The following PRKDC variants were observed in gnomAD, a reference collection of about 807,000 sequenced individuals.
PRKDC encodes DNA-dependent protein kinase catalytic subunit.
A neutral mutation model predicts 486.9 loss-of-function variants in PRKDC; 82 were observed. The ratio of observed to expected loss-of-function variants is 0.17; its 90% CI spans 0.14 to 0.20. PRKDC has a LOEUF of 0.20. Ranked by LOEUF, PRKDC falls within the 10% of genes least tolerant of loss-of-function variation. PRKDC has a pLI of 1.00. For synonymous variants in PRKDC, 1,895 were observed against 1,837.0 expected (o/e 1.03, Z -0.81); for missense variants, 4,504 against 5,038.2 (o/e 0.89, Z 3.21).
rs765573218 is a variant in PRKDC, at chr8:47,886,131, C to G, written c.4589G>C (p.Ser1530Thr). ...CAGCACCGCTGGGTTCAGGAGAAGA[C>G]TCACAAGGCGCTCACACTGGGAAAA... ...AFGGLCERLV[S>T]LLLNPAVLST... is the part of the protein sequence containing the mutation. The change falls in exon 36 of 86, where the codon AGT (serine) becomes ACT (threonine). Residue 1530 changes from serine to threonine, a missense_variant. By Grantham distance (58) the Ser-to-Thr change is moderately conservative. This residue lies in a region of PRKDC where 1,969 missense variants were observed against 2,068.9 expected (regional missense o/e 0.95). Coordinates refer to ENST00000314191, the MANE Select transcript of PRKDC (RefSeq NM_006904.7). The G allele has an allele frequency of 6.2e-7, 1 of 1,604,124 alleles. No individual in the cohort carries two copies. Among genetic ancestry groups the G allele is most frequent in the African/African-American group, 1.3e-5 (1 of 74,444 alleles).
At chr8:47,907,332 G>A (rs1477212774) in intron 25 of PRKDC, among the ~76,000 whole-genome samples, 3 of 147,714 alleles carry the variant, frequency 2.0e-5, no homozygotes, top group African/African-American at 4.9e-5. Flanking sequence ...GAGCCACCGC[G>A]CCTGGCCAAG....
chr8:47,834,481 G>A, intron 58 of PRKDC, 85 bp from the exon 59 acceptor site: 1 of 1,434,274 alleles, frequency 7.0e-7, no homozygotes, highest in Non-Finnish European at 9.6e-7. Flanking sequence ...GACACACCTG[G>A]TGGCACCCTA....
In PRKDC at chr8:47,888,539, C is replaced by T; in HGVS notation, c.4392G>A (p.Leu1464=). ...TTACCTGAGACGGTAATATATTATG[C>T]AGAAGCCCAGCTCTGTGAAGCTGTT... ...ACKQLHRAGL[L]HNILPSQSTD... Residue 1464 remains leucine, a synonymous_variant, in exon 34 of 86, where the codon CTG becomes CTA. Coordinates refer to ENST00000314191, the MANE Select transcript of PRKDC (RefSeq NM_006904.7). The T allele has an allele frequency of 6.4e-7, 1 of 1,570,582 alleles. No homozygotes were observed. Among genetic ancestry groups the T allele is most frequent in the Non-Finnish European group, 8.6e-7 (1 of 1,157,082 alleles).
chr8:47,922,399 G>A (rs1477392883), intron 21 of PRKDC, among the ~76,000 whole-genome samples: 1 of 151,996 alleles, frequency 6.6e-6, no homozygotes, highest in East Asian at 1.9e-4. Context: ...TTGAACCCGG[G>A]AGGCGGAGGT....
chr8:47,923,975 A>G (rs1294286665), intron 21 of PRKDC, among the ~76,000 whole-genome samples: 1 of 152,198 alleles, frequency 6.6e-6, no homozygotes, highest in Non-Finnish European at 1.5e-5. Flanking sequence ...CTTATTACAC[A>G]CCAAACAATC....
intron 85 of PRKDC, among the ~76,000 whole-genome samples, chr8:47,774,910 G>A (rs1244169227): frequency 6.6e-6 from 1 of 152,080 alleles, no homozygotes; most frequent in African/African-American, 2.4e-5. Flanking sequence ...TTACAGGTGT[G>A]AGCCACTGCA....
At chr8:47,957,500 G>A (rs2090724640) in intron 1 of PRKDC, 69 bp from the exon 2 acceptor site, 1 of 1,254,208 alleles carries the variant, frequency 8.0e-7, no homozygotes, top group Non-Finnish European at 1.1e-6. Context: ...TCCTAAAGGG[G>A]TTGCAATGAT....
intron 18 of PRKDC, 135 bp downstream of exon 18, chr8:47,929,718 A>G: frequency 9.4e-7 from 1 of 1,065,624 alleles, no homozygotes. Context: ...TCACATATCA[A>G]TTTTTTTAAA....
Position 47,927,177 on chromosome 8 carries a change from A to G in PRKDC, c.2419+17T>C, listed in dbSNP as rs1447328147. ...CATTTTAATTACAATACACATCACA[A>G]TTCTTCTAAACATTACCTGACAAGG... On this transcript the variant is annotated intron_variant, in intron 21 of 85. Coordinates refer to ENST00000314191, the MANE Select transcript of PRKDC (RefSeq NM_006904.7). 1.1e-5 allele frequency: 17 copies of G among 1,609,284 alleles called. No homozygotes were observed. The highest frequency in any genetic ancestry group is 9.4e-5 in the African/African-American group (7 of 74,830).
chr8:47,913,420 G>A (rs1488599365), intron 24 of PRKDC, among the ~76,000 whole-genome samples: 2 of 151,408 alleles, frequency 1.3e-5, no homozygotes, highest in Non-Finnish European at 2.9e-5. Context: ...TTTTTGAGAC[G>A]GAGTCTCGCT....
rs776181587 is a variant in PRKDC at position 47,885,987 on chromosome 8, G to A, written c.4733C>T (p.Ala1578Val). ...TGAAGACTGCATGAGCTCCAATACAGCAAGATCCAGATTTTTCAATAATTC... is the reference window on the plus strand; with the variant it reads ...TGAAGACTGCATGAGCTCCAATACAACAAGATCCAGATTTTTCAATAATTC... ...NTELLKNLDL[A>V]VLELMQSSVD... Residue 1578 changes from alanine (A) to valine (V), a missense_variant, in exon 36 of 86, where the codon GCT becomes GTT. Transcript: ENST00000314191. The A allele has an allele frequency of 1.2e-6, 2 of 1,613,920 alleles. No homozygotes were observed. The highest frequency in any genetic ancestry group is 1.1e-5 in the South Asian group (1 of 91,084).
chr8:47,945,932 C>T (rs957041779), intron 7 of PRKDC, among the ~76,000 whole-genome samples: 1 of 152,070 alleles, frequency 6.6e-6, no homozygotes, highest in Non-Finnish European at 1.5e-5. Context: ...CTATCTTGGC[C>T]AAGCTGGTCT....
chr8:47,931,418 T>G (rs946706585), intron 16 of PRKDC, among the ~76,000 whole-genome samples: 1 of 151,652 alleles, frequency 6.6e-6, no homozygotes, highest in East Asian at 1.9e-4. Context: ...GGGAAGCCAC[T>G]GAAGACAGCA....
At chr8:47,890,164 A>G (rs967427159) in intron 32 of PRKDC, 93 bp downstream of exon 32, 2 of 604,426 alleles carry the variant, frequency 3.3e-6, no homozygotes, top group Non-Finnish European at 2.4e-6. Flanking sequence ...ATAATGATAA[A>G]TTTTTATTAA....
chr8:47,906,619 C>T (rs1397298216), intron 25 of PRKDC, among the ~76,000 whole-genome samples: 2 of 148,980 alleles, frequency 1.3e-5, no homozygotes, highest in East Asian at 1.9e-4. Flanking sequence ...AGTGAGATTC[C>T]GTCAAAAAAA....
intron 52 of PRKDC, among the ~76,000 whole-genome samples, chr8:47,850,362 G>C (rs2088374620): frequency 6.6e-6 from 1 of 152,164 alleles, no homozygotes; most frequent in African/African-American, 2.4e-5. Context: ...AACGTTTTGA[G>C]CCTCAGCATG....
At chr8:47,860,460 T>C (rs918117733) in intron 45 of PRKDC, among the ~76,000 whole-genome samples, 2 of 152,132 alleles carry the variant, frequency 1.3e-5, no homozygotes, top group Non-Finnish European at 1.5e-5. Flanking sequence ...AGTCGGCAGG[T>C]CAGGGGCCTT....
chr8:47,943,797 T>C, intron 9 of PRKDC, 56 bp downstream of exon 9: 9 of 1,387,044 alleles, frequency 6.5e-6, no homozygotes, highest in Non-Finnish European at 8.9e-6. Flanking sequence ...AAAGCTTACT[T>C]GAGATGTTAA....
intron 50 of PRKDC, 45 bp from the exon 51 acceptor site, chr8:47,854,259 CAAGT>C: frequency 1.3e-6 from 2 of 1,593,964 alleles, no homozygotes; most frequent in Non-Finnish European, 8.6e-7. Context: ...GTTGCATAAT[CAAGT>C]AAGAAGCAGG....
Sources: allele counts gnomAD v4.1 joint callset (sites outside exome capture counted in the v4.1 genomes callset), GRCh38; gene constraint gnomAD v4.1.1; regional missense constraint gnomAD v4.1.1; transcripts MANE v1.5; gene names NCBI Gene and HGNC (gene_info 2026-07-23, HGNC 2026-07-21).